MECOM: variants seen among roughly 807,000 people sequenced by gnomAD.
MECOM encodes the protein histone-lysine N-methyltransferase MECOM.
MECOM carries 13 observed loss-of-function variants against 116.3 expected under a neutral mutation model. The ratio of observed to expected loss-of-function variants is 0.11; its 90% CI spans 0.07 to 0.18. MECOM has a LOEUF of 0.18. Ranked by LOEUF, MECOM falls within the 10% of genes least tolerant of loss-of-function variation. MECOM has a pLI of 1.00. For missense variants in MECOM, 1,299 were observed against 1,509.0 expected, an observed-to-expected ratio of 0.86 and a Z score of 2.31; for synonymous variants, 528 against 535.2, an observed-to-expected ratio of 0.99 and a Z score of 0.19.
intron 1 of MECOM, among the ~76,000 whole-genome samples, chr3:169,633,171 A>G (rs887324602): frequency 2.0e-5 from 3 of 152,138 alleles, no homozygotes; most frequent in East Asian, 1.9e-4. Context: ...ACTCACCAGT[A>G]TATTTGCTTG....
At chr3:169,149,033 A>T (rs942504320) in intron 2 of MECOM, among the ~76,000 whole-genome samples, 2 of 149,390 alleles carry the variant, frequency 1.3e-5, no homozygotes, top group Admixed American at 1.3e-4. Context: ...GTTCGTGGCC[A>T]TTGATTTCCT....
intron 2 of MECOM, among the ~76,000 whole-genome samples, chr3:169,326,764 T>C (rs962826678): frequency 6.6e-6 from 1 of 152,218 alleles, no homozygotes; most frequent in African/African-American, 2.4e-5. Context: ...ATTTCATGAA[T>C]ATGTTTGGGT....
intron 1 of MECOM, among the ~76,000 whole-genome samples, chr3:169,488,494 C>G (rs1052343303): frequency 6.6e-6 from 1 of 151,912 alleles, no homozygotes; most frequent in Non-Finnish European, 1.5e-5. Context: ...TGCTGTGAAC[C>G]GAGATTGCAC....
intron 2 of MECOM, among the ~76,000 whole-genome samples, chr3:169,262,587 T>C (rs1757696607): frequency 6.6e-6 from 1 of 152,112 alleles, no homozygotes; most frequent in Non-Finnish European, 1.5e-5. Context: ...CTCTTTAGAG[T>C]CTGTGATTCT....
chr3:169,413,480 T>TC (rs1737936130), intron 1 of MECOM, among the ~76,000 whole-genome samples: 1 of 94,714 alleles, frequency 1.1e-5, no homozygotes, highest in Admixed American at 1.0e-4. Flanking sequence ...TTTTTTTTGT[T>TC]TTTTTTTTTA....
chr3:169,171,377 T>C (rs1273241225), intron 2 of MECOM, among the ~76,000 whole-genome samples: 1 of 152,196 alleles, frequency 6.6e-6, no homozygotes, highest in African/African-American at 2.4e-5. Flanking sequence ...TTATTCTTGT[T>C]AAAGACAGGA....
chr3:169,576,824 CACACACACACACACAG>C (rs754715441), intron 1 of MECOM, among the ~76,000 whole-genome samples: 29 of 129,668 alleles, frequency 2.2e-4, no homozygotes, highest in East Asian at 1.6e-3. Context: ...CACACACACA[CACACACACACACACAG>C]AGAGAGAGAG....
chr3:169,401,009 C>A (rs1735803780), intron 1 of MECOM, among the ~76,000 whole-genome samples: 1 of 152,190 alleles, frequency 6.6e-6, no homozygotes, highest in South Asian at 2.1e-4. Flanking sequence ...CAGTGCCATA[C>A]CCTGTCTGAG....
intron 2 of MECOM, among the ~76,000 whole-genome samples, chr3:169,201,949 C>T (rs1290015055): frequency 2.0e-5 from 3 of 152,034 alleles, no homozygotes; most frequent in Non-Finnish European, 2.9e-5. Context: ...TGTATTCTCC[C>T]AAGAAAGAAT....
intron 2 of MECOM, among the ~76,000 whole-genome samples, chr3:169,265,893 AT>A (rs1476689763): frequency 3.3e-5 from 5 of 151,766 alleles, no homozygotes; most frequent in Admixed American, 2.6e-4. Flanking sequence ...GTACTGTGCT[AT>A]TAAGCCATTC....
chr3:169,529,191 G>T (rs1312087426), intron 1 of MECOM, among the ~76,000 whole-genome samples: 2 of 152,126 alleles, frequency 1.3e-5, no homozygotes, highest in Non-Finnish European at 2.9e-5. Context: ...AGCTGCCAGA[G>T]AATCAAAGCC....
In MECOM at chr3:169,184,052, G is replaced by A. The variant is rs1375613679; in HGVS notation, c.376-40220C>T. Among the ~76,000 whole-genome samples, 3 of 151,800 alleles carry A rather than the reference G, an allele frequency of 2.0e-5. No homozygotes were observed. The East Asian group carries it at 5.8e-4, about 30-fold the overall frequency. On this transcript the variant is annotated intron_variant, in intron 2 of 16. Transcript: ENST00000651503. The stretch of plus-strand genomic sequence containing the variant: ...GCTAATTTTTTGTATTTTTAGTAGA[G>A]ACGCGATTTCACCACATTAGCCAGG...
At chr3:169,553,802 T>G (rs1286538845) in intron 1 of MECOM, among the ~76,000 whole-genome samples, 1 of 152,192 alleles carries the variant, frequency 6.6e-6, no homozygotes, top group African/African-American at 2.4e-5. Flanking sequence ...ATCTCTGGTG[T>G]CTCTCTCTAT....
chr3:169,563,509 G>A (rs565899308), intron 1 of MECOM, among the ~76,000 whole-genome samples: 6 of 152,286 alleles, frequency 3.9e-5, no homozygotes, highest in African/African-American at 1.4e-4. Flanking sequence ...AGCCTGAAAT[G>A]TGTGTTGTTT....
chr3:169,472,575 G>A (rs150187920), intron 1 of MECOM, among the ~76,000 whole-genome samples: 1,120 of 60,970 alleles, frequency 0.018, 3 homozygotes, highest in Non-Finnish European at 0.024. Flanking sequence ...GAGGAGAGGA[G>A]AGGAGAGGAA....
intron 1 of MECOM, among the ~76,000 whole-genome samples, chr3:169,580,537 A>G (rs1765010385): frequency 6.6e-6 from 1 of 152,204 alleles, no homozygotes; most frequent in Non-Finnish European, 1.5e-5. Context: ...AAGACAATCA[A>G]AATTGGGCCC....
intron 2 of MECOM, among the ~76,000 whole-genome samples, chr3:169,208,329 A>G (rs1750234582): frequency 6.7e-6 from 1 of 148,670 alleles, no homozygotes; most frequent in Non-Finnish European, 1.5e-5. Context: ...TATTATATAT[A>G]TAATGTATAG....
chr3:169,382,321 A>G (rs962216512), intron 1 of MECOM, among the ~76,000 whole-genome samples: 1 of 152,146 alleles, frequency 6.6e-6, no homozygotes, highest in Non-Finnish European at 1.5e-5. Context: ...GGCACTGCTC[A>G]TCTTTACGGA....
chr3:169,659,065 T>A (rs1329181068), intron 1 of MECOM, among the ~76,000 whole-genome samples: 1 of 119,394 alleles, frequency 8.4e-6, no homozygotes, highest in Non-Finnish European at 1.6e-5. Context: ...CTCCTCACCT[T>A]CAACTCCAAA....
Sources: gnomAD v4.1 joint callset for allele counts (sites outside exome capture counted in the v4.1 genomes callset) on GRCh38, gnomAD v4.1.1 for gene constraint, MANE v1.5 for transcripts, NCBI Gene and HGNC (gene_info 2026-07-23, HGNC 2026-07-21) for gene names.